Variants in TRDMT1 observed in about 807,000 individuals in gnomAD.
The protein encoded by TRDMT1 is tRNA (cytosine(38)-C(5))-methyltransferase.
TRDMT1 carries 49 observed loss-of-function variants against 51.2 expected under a neutral mutation model. That is an observed-to-expected ratio of 0.96 (90% CI 0.76 to 1.21). The LOEUF is 1.21. Ranked by LOEUF, TRDMT1 falls within the 50% of genes most tolerant of loss-of-function variation. TRDMT1 has a pLI of 0.00. For synonymous variants in TRDMT1, 187 were observed against 164.6 expected, an observed-to-expected ratio of 1.14 and a Z score of -1.04; for missense variants, 534 against 462.3, an observed-to-expected ratio of 1.16 and a Z score of -1.42.
intron 1 of TRDMT1, among the ~76,000 whole-genome samples, chr10:17,175,630 G>T (rs1842531840): frequency 6.7e-6 from 1 of 148,980 alleles, no homozygotes; most frequent in Admixed American, 6.8e-5. Flanking sequence ...ACCATTAGTT[G>T]ATTAATAGTT....
intron 2 of TRDMT1, 43 bp from the exon 3 acceptor site, chr10:17,168,960 T>G (rs1841603001): frequency 1.5e-6 from 2 of 1,300,860 alleles, no homozygotes. Flanking sequence ...CATAAAAACA[T>G]GGATAGAATG....
chr10:17,198,615 G>A (rs1467433938), intron 1 of TRDMT1, among the ~76,000 whole-genome samples: 2 of 152,156 alleles, frequency 1.3e-5, no homozygotes, highest in African/African-American at 4.8e-5. Context: ...TAAAGACAAA[G>A]CAGAATCAAG....
intron 10 of TRDMT1, chr10:17,151,656 C>A (rs902200520): frequency 6.2e-6 from 6 of 963,174 alleles, no homozygotes; most frequent in Non-Finnish European, 7.4e-6. Flanking sequence ...CATATATATT[C>A]AAAGAGCTTT....
chr10:17,164,415 C>T (rs998367587), intron 3 of TRDMT1, among the ~76,000 whole-genome samples: 1 of 152,246 alleles, frequency 6.6e-6, no homozygotes, highest in African/African-American at 2.4e-5. Context: ...CAATATCATA[C>T]CGAATGGGCA....
intron 1 of TRDMT1, among the ~76,000 whole-genome samples, chr10:17,179,694 A>G (rs1843034651): frequency 1.3e-5 from 2 of 151,520 alleles, no homozygotes; most frequent in South Asian, 4.2e-4. Context: ...AAGAGTTTCA[A>G]GTAATGTAAG....
chr10:17,137,641 A>T lies in TRDMT1; in HGVS notation c.*11399T>A, dbSNP rs1236967882. The T allele has an allele frequency of 6.6e-6, 1 of 152,214 alleles. No homozygotes were observed. The highest frequency in any genetic ancestry group is 1.5e-5 in the Non-Finnish European group (1 of 68,122). The allele number at this position is 152,214 out of a possible 1,614,324, so 9.4% of individuals were successfully genotyped here. Reference sequence around the variant, plus strand: ...GAGGTCAGGAATTTGAGACCAGCCAAAATGGTGAAACCCTGTCTCTACTAA... The same window carrying T: ...GAGGTCAGGAATTTGAGACCAGCCATAATGGTGAAACCCTGTCTCTACTAA... On this transcript the variant is annotated 3_prime_UTR_variant, in exon 11 of 11. Transcript: ENST00000377799.
At position 17,149,033 on chromosome 10, in the gene TRDMT1, T is replaced by C; in HGVS notation, c.*7A>G. ...TCATATGACCATCTTTCAGAGTTAT[T>C]TCAAAATTATTCATATAAGATTTTG... On this transcript the variant is annotated 3_prime_UTR_variant, in exon 11 of 11. Transcript: ENST00000377799. The C allele has an allele frequency of 1.9e-6, 3 of 1,593,718 alleles. No homozygotes were observed. The highest frequency in any genetic ancestry group is 1.7e-6 in the Non-Finnish European group (2 of 1,170,288).
rs1352351409 is a variant in TRDMT1, at chr10:17,137,702, A to T, written c.*11338T>A. ...AAATTAGCCGGGCATGGTGGCACAC[A>T]CCTGTAGTCCCAGCTACTCAGGAGG... On this transcript the variant is annotated 3_prime_UTR_variant, in exon 11 of 11. Coordinates refer to ENST00000377799, the MANE Select transcript of TRDMT1 (RefSeq NM_004412.7). The T allele has an allele frequency of 6.6e-6, 1 of 152,074 alleles. No homozygotes were observed. Among genetic ancestry groups the T allele is most frequent in the Non-Finnish European group, 1.5e-5 (1 of 68,070 alleles). The allele number at this position is 152,074 out of a possible 1,614,324, so 9.4% of individuals were successfully genotyped here.
chr10:17,157,913 T>A (rs947433198), intron 7 of TRDMT1, 129 bp from the exon 8 acceptor site: 1 of 695,904 alleles, frequency 1.4e-6, no homozygotes, highest in African/African-American at 1.8e-5. Context: ...AAGATAGAAA[T>A]TGTGGTTTAC....
rs1837668576 is a variant in TRDMT1 at position 17,141,342 on chromosome 10, A to C, written c.*7698T>G. On this transcript the variant is annotated 3_prime_UTR_variant, in exon 11 of 11. Coordinates refer to ENST00000377799, the MANE Select transcript of TRDMT1 (RefSeq NM_004412.7). ...ATGCCCGGCTAATTTTTTTGATTTTAGTAGAGACGGGGTTTCACCATGTTG... is the reference window on the plus strand; with the variant it reads ...ATGCCCGGCTAATTTTTTTGATTTTCGTAGAGACGGGGTTTCACCATGTTG... Among the ~76,000 whole-genome samples the C allele has an allele frequency of 3.3e-5, 5 of 152,058 alleles. No homozygotes were observed. Among genetic ancestry groups the C allele is most frequent in the Admixed American group, 3.3e-4 (5 of 15,268 alleles).
At chr10:17,168,521 G>C (rs1249117368) in intron 3 of TRDMT1, among the ~76,000 whole-genome samples, 1 of 152,050 alleles carries the variant, frequency 6.6e-6, no homozygotes, top group South Asian at 2.1e-4. Flanking sequence ...GAATTTCCAC[G>C]TGTTGTGGGA....
chr10:17,200,216 G>T (rs986058169), intron 1 of TRDMT1, among the ~76,000 whole-genome samples: 4 of 152,160 alleles, frequency 2.6e-5, no homozygotes, highest in African/African-American at 9.7e-5. Flanking sequence ...ACTGAAGAAT[G>T]ATCTAAATAT....
chr10:17,161,141 A>C (rs907994200), intron 5 of TRDMT1, among the ~76,000 whole-genome samples: 1 of 152,206 alleles, frequency 6.6e-6, no homozygotes, highest in Non-Finnish European at 1.5e-5. Context: ...GGCAGAAAAT[A>C]CTTGTCAACA....
In TRDMT1 at chr10:17,137,799, C is replaced by T. The variant is rs908937933; in HGVS notation, c.*11241G>A. Among the ~76,000 whole-genome samples, 2 of 148,744 alleles carry T rather than the reference C, an allele frequency of 1.3e-5. No homozygotes were observed. The highest frequency in any genetic ancestry group is 2.5e-5 in the African/African-American group (1 of 39,872). ...CAGCAAGCCGAGAGCCACTGCACTC[C>T]AGCCTGGGTGACAGAGCGAAACTCT... On this transcript the variant is annotated 3_prime_UTR_variant, in exon 11 of 11. Transcript: ENST00000377799.
chr10:17,159,297 A>G, intron 6 of TRDMT1, 68 bp from the exon 7 acceptor site: 1 of 1,128,444 alleles, frequency 8.9e-7, no homozygotes, highest in Non-Finnish European at 1.3e-6. Context: ...TTTAGCACCA[A>G]GTTAAACAGC....
rs1844501007 is a variant in TRDMT1 at position 17,190,197 on chromosome 10, G to A, written c.64+11374C>T. Among the ~76,000 whole-genome samples, 4 of 152,078 alleles carry A rather than the reference G, an allele frequency of 2.6e-5. No individual in the cohort carries two copies. The South Asian group carries it at 8.3e-4, about 31-fold the overall frequency. On this transcript the variant is annotated intron_variant, in intron 1 of 10. Coordinates refer to ENST00000377799, the MANE Select transcript of TRDMT1 (RefSeq NM_004412.7). ...TTTTAGACAAGAGGAGAGCTGGTTG[G>A]CACTATTCCTGGGTAGCACTTTTCA...
At position 17,140,037 on chromosome 10, in the gene TRDMT1, C is replaced by CTTTTTTTTTTTTTTTTTTTTT. The variant is rs758336473; in HGVS notation, c.*8982_*9002dup. On this transcript the variant is annotated 3_prime_UTR_variant, in exon 11 of 11. Coordinates refer to ENST00000377799, the MANE Select transcript of TRDMT1 (RefSeq NM_004412.7). ...TATTCTTCCAGTAACATCTAGTGTG[C>CTTTTTTTTTTTTTTTTTTTTT]TTTTTTTTTTTTTTTTTTTTTTTTT... is the stretch of plus-strand genomic sequence containing the variant. Among the ~76,000 whole-genome samples, 3 of 21,914 alleles carry CTTTTTTTTTTTTTTTTTTTTT rather than the reference C, an allele frequency of 1.4e-4. 1 individual carries two copies. Among genetic ancestry groups the CTTTTTTTTTTTTTTTTTTTTT allele is most frequent in the African/African-American group, 5.6e-4 (3 of 5,348 alleles). The allele number at this position is 21,914 out of a possible 152,430, so 14.4% of individuals were successfully genotyped here. A position where few individuals can be genotyped will look rare whatever the true frequency, so the allele number is the denominator to read the frequency against.
At chr10:17,173,923 C>T (rs935627602) in intron 2 of TRDMT1, among the ~76,000 whole-genome samples, 2 of 152,106 alleles carry the variant, frequency 1.3e-5, no homozygotes, top group Admixed American at 6.6e-5. Context: ...TGCCAACACA[C>T]CTGGCTAATT....
Position 17,143,989 on chromosome 10 carries a change from T to G in TRDMT1, c.*5051A>C, listed in dbSNP as rs1837891130. 2.0e-6 allele frequency: 2 copies of G among 985,396 alleles called. No individual in the cohort carries two copies. Among genetic ancestry groups the G allele is most frequent in the East Asian group, 1.1e-4 (1 of 8,816 alleles). 61.0% of individuals were successfully genotyped at this position (985,396 alleles called of 1,614,324 possible). A position where few individuals can be genotyped will look rare whatever the true frequency, so the allele number is the denominator to read the frequency against. On this transcript the variant is annotated 3_prime_UTR_variant, in exon 11 of 11. Transcript: ENST00000377799. The stretch of plus-strand genomic sequence containing the variant: ...ATGTCCCAGCATGAAGATTCTAGAA[T>G]AGGACTTAGGAAAACAGCAGATTTA...
Sources: allele counts gnomAD v4.1 joint callset (sites outside exome capture counted in the v4.1 genomes callset), GRCh38; gene constraint gnomAD v4.1.1; transcripts MANE v1.5; gene names NCBI Gene and HGNC (gene_info 2026-07-23, HGNC 2026-07-21).